CDYL2: variants seen among roughly 807,000 people sequenced by gnomAD.
CDYL2 encodes the protein chromodomain Y like 2.
CDYL2 carries 23 observed loss-of-function variants against 49.4 expected under a neutral mutation model. That is an observed-to-expected ratio of 0.47 (90% confidence interval 0.34 to 0.66). CDYL2 has a LOEUF of 0.66. Among genes scored for constraint, CDYL2 ranks in the 30% least tolerant of loss-of-function variants. CDYL2 has a pLI of 0.01. For missense variants in CDYL2, 678 were observed against 656.4 expected (o/e 1.03, Z -0.36); for synonymous variants, 360 against 268.8 (o/e 1.34, Z -3.32).
intron 4 of CDYL2, among the ~76,000 whole-genome samples, chr16:80,616,137 C>G (rs1906816915): frequency 6.6e-6 from 1 of 152,212 alleles, no homozygotes; most frequent in Non-Finnish European, 1.5e-5. Flanking sequence ...ACTTCAGAAT[C>G]TGAAAGACTC....
At chr16:80,706,000 A>G (rs1904392235) in intron 1 of CDYL2, among the ~76,000 whole-genome samples, 1 of 152,244 alleles carries the variant, frequency 6.6e-6, no homozygotes, top group South Asian at 2.1e-4. Context: ...ACTCCAAGGC[A>G]GTAGAGGGGT....
rs563624032 is a variant in CDYL2, at chr16:80,633,702, G to C, written c.617-466C>G. On this transcript the variant is annotated intron_variant, in intron 2 of 6. Coordinates refer to ENST00000570137, the MANE Select transcript of CDYL2 (RefSeq NM_152342.4). ...GACCTTATTTAATATGAGAACCAGA[G>C]ATGGGGCTCTGGGACCCCCCTAGGG... Among the ~76,000 whole-genome samples the C allele has an allele frequency of 8.0e-5, 12 of 150,712 alleles. No individual in the cohort carries two copies. In the South Asian group the frequency reaches 1.3e-3, roughly 16 times the overall value.
At chr16:80,648,026 A>T (rs116408918) in intron 2 of CDYL2, among the ~76,000 whole-genome samples, 1,590 of 152,288 alleles carry the variant, frequency 0.01, 27 homozygotes, top group African/African-American at 0.036. Flanking sequence ...TTAAGAGGGA[A>T]TTTTATAGCT....
chr16:80,631,103 C>A (rs541575084), intron 3 of CDYL2, among the ~76,000 whole-genome samples: 1 of 152,150 alleles, frequency 6.6e-6, no homozygotes, highest in Non-Finnish European at 1.5e-5. Flanking sequence ...GACAAAAGGG[C>A]GAGCAAGAAC....
chr16:80,675,558 A>C (rs1015296577), intron 2 of CDYL2, among the ~76,000 whole-genome samples: 2 of 152,160 alleles, frequency 1.3e-5, no homozygotes, highest in South Asian at 4.1e-4. Flanking sequence ...TTGTGTGAGG[A>C]GTCAGGGTGG....
At chr16:80,662,463 TC>T (rs1430824181) in intron 2 of CDYL2, among the ~76,000 whole-genome samples, 1 of 152,148 alleles carries the variant, frequency 6.6e-6, no homozygotes, top group Non-Finnish European at 1.5e-5. Context: ...GCATCTCTCT[TC>T]TGGTTGTTTG....
intron 6 of CDYL2, among the ~76,000 whole-genome samples, chr16:80,605,447 CTAT>C (rs1463104899): frequency 6.7e-6 from 1 of 148,320 alleles, no homozygotes; most frequent in African/African-American, 2.5e-5. Context: ...CACAGTGTTA[CTAT>C]GATGATTACT....
intron 1 of CDYL2, among the ~76,000 whole-genome samples, chr16:80,772,475 C>T (rs146682102): frequency 7.2e-4 from 109 of 152,226 alleles, no homozygotes; most frequent in African/African-American, 2.3e-3. Context: ...TTTTGGGAGA[C>T]GGAGTCTCCC....
intron 1 of CDYL2, among the ~76,000 whole-genome samples, chr16:80,794,841 G>A (rs779148841): frequency 1.2e-4 from 18 of 152,056 alleles, no homozygotes; most frequent in Admixed American, 3.9e-4. Context: ...TCGAACTCCC[G>A]ACCTCAGGTG....
intron 2 of CDYL2, among the ~76,000 whole-genome samples, chr16:80,668,456 T>TG (rs1909361732): frequency 4.4e-5 from 4 of 90,528 alleles, no homozygotes; most frequent in Admixed American, 2.8e-4. Context: ...ATATGTAATA[T>TG]AATCACATAT....
At chr16:80,798,083 C>A (rs548730436) in intron 1 of CDYL2, among the ~76,000 whole-genome samples, 1 of 152,186 alleles carries the variant, frequency 6.6e-6, no homozygotes, top group South Asian at 2.1e-4. Flanking sequence ...CTCTGTCACC[C>A]AGGCTGGAGT....
intron 2 of CDYL2, among the ~76,000 whole-genome samples, chr16:80,653,702 T>C (rs994108086): frequency 1.3e-5 from 2 of 152,196 alleles, no homozygotes; most frequent in South Asian, 2.1e-4. Context: ...ACAAACAATC[T>C]AGTTACACTC....
At chr16:80,795,944 A>G (rs1222987361) in intron 1 of CDYL2, among the ~76,000 whole-genome samples, 1 of 152,268 alleles carries the variant, frequency 6.6e-6, no homozygotes, top group Non-Finnish European at 1.5e-5. Flanking sequence ...TAGAAGTTCA[A>G]AAGATTAAAA....
intron 1 of CDYL2, among the ~76,000 whole-genome samples, chr16:80,692,115 CAG>C (rs1910440922): frequency 6.6e-6 from 1 of 152,170 alleles, no homozygotes; most frequent in African/African-American, 2.4e-5. Flanking sequence ...AAAATCTAAA[CAG>C]GGCAGAAACG....
chr16:80,798,651 G>A lies in CDYL2; in HGVS notation c.24+5499C>T, dbSNP rs73583950. Reference sequence around the variant, plus strand: ...TTATCAGTAAGACTTCCAGTCAACAGTATGCTACTAGTAGTTAAGTTTCTG... The same window carrying A: ...TTATCAGTAAGACTTCCAGTCAACAATATGCTACTAGTAGTTAAGTTTCTG... On this transcript the variant is annotated intron_variant, in intron 1 of 6. Coordinates refer to ENST00000570137, the MANE Select transcript of CDYL2 (RefSeq NM_152342.4). 2.0e-3 allele frequency among the ~76,000 whole-genome samples: 301 copies of A among 152,240 alleles called. 1 individual carries two copies. The highest frequency in any genetic ancestry group is 6.9e-3 in the African/African-American group (288 of 41,526).
chr16:80,624,823 G>C (rs1907232219), intron 3 of CDYL2, among the ~76,000 whole-genome samples: 1 of 152,208 alleles, frequency 6.6e-6, no homozygotes, highest in Non-Finnish European at 1.5e-5. Context: ...CATCTGCTGA[G>C]ATCAACAGCA....
chr16:80,676,182 A>T (rs557363614), intron 2 of CDYL2, among the ~76,000 whole-genome samples: 1 of 152,300 alleles, frequency 6.6e-6, no homozygotes, highest in South Asian at 2.1e-4. Context: ...CCACCACATC[A>T]AAGGGTTTTA....
At position 80,750,074 on chromosome 16, in the gene CDYL2, G is replaced by A. The variant is rs141493300; in HGVS notation, c.24+54076C>T. On this transcript the variant is annotated intron_variant, in intron 1 of 6. Transcript: ENST00000570137. ...CAGAGGAAGGGGAACATCACACACC[G>A]GGGCCTGTTGTGGGGTGGGGGGATG... is the stretch of plus-strand genomic sequence containing the variant. Among the ~76,000 whole-genome samples, 1,107 of 151,888 alleles carry A rather than the reference G, an allele frequency of 7.3e-3. 20 individuals carry two copies. Among genetic ancestry groups the A allele is most frequent in the African/African-American group, 0.022 (892 of 41,374 alleles).
chr16:80,747,425 T>C (rs375835670), intron 1 of CDYL2, among the ~76,000 whole-genome samples: 1 of 152,152 alleles, frequency 6.6e-6, no homozygotes, highest in Admixed American at 6.5e-5. Context: ...TTTAAGAAGA[T>C]ATCGCATGCA....
Sources: gnomAD v4.1 joint callset for allele counts (sites outside exome capture counted in the v4.1 genomes callset) on GRCh38, gnomAD v4.1.1 for gene constraint, MANE v1.5 for transcripts, NCBI Gene and HGNC (gene_info 2026-07-23, HGNC 2026-07-21) for gene names.